Variants in PLEKHM3 observed in about 807,000 individuals in gnomAD.
PLEKHM3 encodes pleckstrin homology domain containing M3.
In PLEKHM3, 45 loss-of-function variants were observed where a neutral mutation model predicts 81.8. The ratio of observed to expected loss-of-function variants is 0.55; its 90% CI spans 0.43 to 0.71. The LOEUF (loss-of-function observed/expected upper bound fraction) is 0.71. Ranked by LOEUF, PLEKHM3 falls within the 30% of genes least tolerant of loss-of-function variation. PLEKHM3 has a pLI of 0.00. For missense variants in PLEKHM3, 788 were observed against 924.3 expected, an observed-to-expected ratio of 0.85 and a Z score of 1.91; for synonymous variants, 352 against 356.4, an observed-to-expected ratio of 0.99 and a Z score of 0.14.
chr2:207,846,045 C>A (rs1033366204), intron 7 of PLEKHM3, among the ~76,000 whole-genome samples: 1 of 152,308 alleles, frequency 6.6e-6, no homozygotes, highest in South Asian at 2.1e-4. Flanking sequence ...TGCCATATGC[C>A]TGGTATGAAG....
intron 3 of PLEKHM3, among the ~76,000 whole-genome samples, chr2:207,975,783 G>T (rs1475413730): frequency 6.6e-6 from 1 of 151,626 alleles, no homozygotes; most frequent in Non-Finnish European, 1.5e-5. Flanking sequence ...TTTTAGTAGA[G>T]ATGGGGTTTC....
At position 207,843,688 on chromosome 2, in the gene PLEKHM3, T is replaced by A. The variant is rs2092366516; in HGVS notation, c.2109-15192A>T. Among the ~76,000 whole-genome samples, 1 of 152,196 alleles carries A rather than the reference T, an allele frequency of 6.6e-6. No homozygotes were observed. The highest frequency in any genetic ancestry group is 2.4e-5 in the African/African-American group (1 of 41,440). The stretch of plus-strand genomic sequence containing the variant: ...GGGAAATTTGCTTGTCTCTTTGCAA[T>A]CTAGAATTTGAAGATTTTCTTTCCA... On this transcript the variant is annotated intron_variant, in intron 7 of 7. Coordinates refer to ENST00000427836, the MANE Select transcript of PLEKHM3 (RefSeq NM_001080475.3). This position sits in a 1 kb window ranked among gnomAD's most constrained non-coding sequence, Gnocchi z 4.4.
chr2:207,881,689 G>A (rs1403548913), intron 6 of PLEKHM3, among the ~76,000 whole-genome samples: 6 of 152,190 alleles, frequency 3.9e-5, no homozygotes, highest in Admixed American at 2.0e-4. Context: ...GTTCTGTCCC[G>A]TGACAGCCTG....
chr2:207,989,697 G>A (rs1007955329), intron 2 of PLEKHM3, among the ~76,000 whole-genome samples: 1 of 152,172 alleles, frequency 6.6e-6, no homozygotes, highest in Non-Finnish European at 1.5e-5. Flanking sequence ...GGCCTGAGGA[G>A]ACCCACTGAA....
chr2:207,972,074 T>A (rs180848527), intron 3 of PLEKHM3, among the ~76,000 whole-genome samples: 1 of 152,360 alleles, frequency 6.6e-6, no homozygotes, highest in East Asian at 1.9e-4. Flanking sequence ...TTGATTCATG[T>A]CTTCCCTAGT....
chr2:207,833,129 A>G (rs1282513064), intron 7 of PLEKHM3, among the ~76,000 whole-genome samples: 1 of 151,910 alleles, frequency 6.6e-6, no homozygotes, highest in African/African-American at 2.4e-5. Context: ...AAAAAAAAAA[A>G]AAAAGATTCA....
chr2:207,911,168 G>C (rs563066258), intron 5 of PLEKHM3, among the ~76,000 whole-genome samples: 2 of 152,298 alleles, frequency 1.3e-5, no homozygotes, highest in South Asian at 2.1e-4. Flanking sequence ...GGAATGGAGT[G>C]AGGAAAAACC....
At chr2:208,014,817 T>C (rs1382743703) in intron 1 of PLEKHM3, among the ~76,000 whole-genome samples, 2 of 152,198 alleles carry the variant, frequency 1.3e-5, no homozygotes, top group Admixed American at 6.5e-5. Context: ...GACTGATCCA[T>C]ACTTCTCGGA....
At chr2:207,996,890 T>TAA (rs994218901) in intron 2 of PLEKHM3, among the ~76,000 whole-genome samples, 1 of 152,140 alleles carries the variant, frequency 6.6e-6, no homozygotes, top group African/African-American at 2.4e-5. Context: ...GTTTAAAACT[T>TAA]TTATTAAGTG....
intron 7 of PLEKHM3, among the ~76,000 whole-genome samples, chr2:207,833,599 G>A (rs565418919): frequency 1.3e-5 from 2 of 152,202 alleles, no homozygotes; most frequent in East Asian, 3.9e-4. Flanking sequence ...TGATGTGAGG[G>A]GGTGTCCTGT....
At chr2:207,895,279 C>T (rs1445491457) in intron 6 of PLEKHM3, among the ~76,000 whole-genome samples, 1 of 152,174 alleles carries the variant, frequency 6.6e-6, no homozygotes, top group Non-Finnish European at 1.5e-5. Flanking sequence ...CATACCAAGT[C>T]AGGGATGGAG....
chr2:207,950,430 T>C (rs1415174256), intron 3 of PLEKHM3, among the ~76,000 whole-genome samples: 2 of 152,334 alleles, frequency 1.3e-5, no homozygotes, highest in African/African-American at 2.4e-5. Flanking sequence ...AATTGGTGAA[T>C]TGCCAAATTT....
chr2:207,864,671 AT>A (rs1261665670), intron 6 of PLEKHM3, among the ~76,000 whole-genome samples: 2 of 152,230 alleles, frequency 1.3e-5, no homozygotes, highest in Non-Finnish European at 2.9e-5. Context: ...TTTTTTCTCT[AT>A]TTAGTCCTTG....
At chr2:207,908,420 C>T in intron 6 of PLEKHM3, 94 bp downstream of exon 6, 1 of 1,161,496 alleles carries the variant, frequency 8.6e-7, no homozygotes, top group Non-Finnish European at 1.2e-6. Flanking sequence ...GAAAACTACC[C>T]CAATGATGGC....
At chr2:207,985,181 CA>C (rs1458492730) in intron 2 of PLEKHM3, among the ~76,000 whole-genome samples, 1 of 151,622 alleles carries the variant, frequency 6.6e-6, no homozygotes, top group Non-Finnish European at 1.5e-5. Flanking sequence ...ATGGCTCACC[CA>C]CTCCTGACCT....
Position 208,001,829 on chromosome 2 carries a change from T to C in PLEKHM3, c.-190A>G. ...TTTCCTGGTAATTAAAAGCATTTGC[T>C]AGTGGCTAATGGGCATTAACAGATG... On this transcript the variant is annotated 5_prime_UTR_variant, in exon 2 of 8. An upstream open reading frame in the 5' UTR loses its in-frame stop. Coordinates refer to ENST00000427836, the MANE Select transcript of PLEKHM3 (RefSeq NM_001080475.3). The C allele has an allele frequency of 3.6e-6, 3 of 833,242 alleles. No homozygotes were observed. Among genetic ancestry groups the C allele is most frequent in the Non-Finnish European group, 5.4e-6 (3 of 551,424 alleles). The allele number at this position is 833,242 out of a possible 1,614,324, so 51.6% of individuals were successfully genotyped here.
At chr2:207,979,867 T>G (rs992093508) in intron 2 of PLEKHM3, among the ~76,000 whole-genome samples, 1 of 152,252 alleles carries the variant, frequency 6.6e-6, no homozygotes, top group Non-Finnish European at 1.5e-5. Flanking sequence ...TCTCTGGTCC[T>G]GACATTCATT....
rs2092218471 is a variant in PLEKHM3, at chr2:207,821,723, C to T, written c.*6596G>A. ...TCCATTTGCAACCTAAGCATTTTCT[C>T]TCCTTTAAAAAAAAAAGTATATATA... On this transcript the variant is annotated 3_prime_UTR_variant, in exon 8 of 8. Coordinates refer to ENST00000427836, the MANE Select transcript of PLEKHM3 (RefSeq NM_001080475.3). 6.6e-6 allele frequency: 1 copy of T among 151,764 alleles called. No individual in the cohort carries two copies. The highest frequency in any genetic ancestry group is 2.4e-5 in the African/African-American group (1 of 41,324). 9.4% of individuals were successfully genotyped at this position (151,764 alleles called of 1,614,324 possible).
chr2:207,908,710 C>T (rs1688707522), intron 5 of PLEKHM3, 133 bp from the exon 6 acceptor site: 1 of 677,898 alleles, frequency 1.5e-6, no homozygotes, highest in Non-Finnish European at 2.4e-6. Context: ...CTCCTAAGCC[C>T]TCTGAGGAAC....
Sources: gnomAD v4.1 joint callset for allele counts (sites outside exome capture counted in the v4.1 genomes callset) on GRCh38, gnomAD v4.1.1 for gene constraint, Gnocchi (gnomAD v3.1) non-coding constraint, MANE v1.5 for transcripts, NCBI Gene and HGNC (gene_info 2026-07-23, HGNC 2026-07-21) for gene names.